The following KRAS variants were observed in gnomAD, a reference collection of about 807,000 sequenced individuals.
KRAS encodes the protein KRas proto-oncogene, GTPase.
KRAS carries 1 observed loss-of-function variant against 21.0 expected under a neutral mutation model. That is an observed-to-expected ratio of 0.05 (90% CI 0.02 to 0.23). The LOEUF (loss-of-function observed/expected upper bound fraction) is 0.23. Among genes scored for constraint, KRAS ranks in the 10% least tolerant of loss-of-function variants. The pLI is 1.00. For missense variants in KRAS, 107 were observed against 221.8 expected, an observed-to-expected ratio of 0.48 and a Z score of 3.29; for synonymous variants, 67 against 72.5, an observed-to-expected ratio of 0.92 and a Z score of 0.39.
chr12:25,215,467 T>C (rs1024789250), intron 4 of KRAS: 5 of 1,612,486 alleles, frequency 3.1e-6, no homozygotes, highest in Non-Finnish European at 4.2e-6. Flanking sequence ...TTTTTAATTT[T>C]CACACAGCCA....
At chr12:25,240,362 A>G (rs892753462) in intron 2 of KRAS, among the ~76,000 whole-genome samples, 1 of 152,234 alleles carries the variant, frequency 6.6e-6, no homozygotes, top group Non-Finnish European at 1.5e-5. Flanking sequence ...TGGGTACTGC[A>G]TCTACAGATT....
At chr12:25,225,492 A>G in intron 4 of KRAS, 122 bp downstream of exon 4, 1 of 1,035,564 alleles carries the variant, frequency 9.7e-7, no homozygotes. Context: ...AGACAAAAAC[A>G]TTTACTAAAT....
At chr12:25,210,732 G>C (rs1951192550) in intron 4 of KRAS, 1 of 152,150 alleles carries the variant, frequency 6.6e-6, no homozygotes, top group South Asian at 2.1e-4. Context: ...CAAATATCCT[G>C]TCTTCAAAGA....
chr12:25,232,127 G>A (rs931185116), intron 2 of KRAS, among the ~76,000 whole-genome samples: 7 of 152,136 alleles, frequency 4.6e-5, no homozygotes, highest in African/African-American at 9.6e-5. Flanking sequence ...TCACTCAAAC[G>A]CATGTTGTTC....
At chr12:25,236,013 C>T (rs1489869165) in intron 2 of KRAS, among the ~76,000 whole-genome samples, 6 of 152,088 alleles carry the variant, frequency 3.9e-5, no homozygotes, top group Admixed American at 3.3e-4. Flanking sequence ...TAATGCTCAC[C>T]TCCTTCCGGC....
At chr12:25,249,419 T>C (rs1293978254) in intron 1 of KRAS, among the ~76,000 whole-genome samples, 1 of 148,114 alleles carries the variant, frequency 6.8e-6, no homozygotes, top group Admixed American at 6.7e-5. Context: ...GATGAAACTC[T>C]GTCTCTACTA....
At chr12:25,243,965 T>C (rs1288705711) in intron 2 of KRAS, among the ~76,000 whole-genome samples, 1 of 152,244 alleles carries the variant, frequency 6.6e-6, no homozygotes, top group Non-Finnish European at 1.5e-5. Flanking sequence ...GTTGTTTCTA[T>C]GTTTAAATCA....
At chr12:25,213,518 AT>A in intron 4 of KRAS, among the ~76,000 whole-genome samples, 1 of 152,342 alleles carries the variant, frequency 6.6e-6, no homozygotes, top group Non-Finnish European at 1.5e-5. Context: ...ACAGAATGAT[AT>A]TCAAAAACAT....
At chr12:25,227,541 T>C (rs1951409207) in intron 2 of KRAS, 129 bp from the exon 3 acceptor site, 3 of 769,442 alleles carry the variant, frequency 3.9e-6, no homozygotes, top group African/African-American at 3.5e-5. Context: ...ACATTGTTCC[T>C]GCTCCAAAGA....
chr12:25,239,642 T>C (rs1315036381), intron 2 of KRAS, among the ~76,000 whole-genome samples: 1 of 151,998 alleles, frequency 6.6e-6, no homozygotes, highest in African/African-American at 2.4e-5. Context: ...AGGTGAAAAA[T>C]AGTTAACTCT....
chr12:25,244,976 A>G (rs1329028845), intron 2 of KRAS, among the ~76,000 whole-genome samples: 1 of 152,194 alleles, frequency 6.6e-6, no homozygotes, highest in African/African-American at 2.4e-5. Context: ...TACAATAAAA[A>G]GATTGTCTTT....
chr12:25,233,770 G>C, intron 2 of KRAS: 1 of 209,082 alleles, frequency 4.8e-6, no homozygotes, highest in East Asian at 7.3e-5. Context: ...TAACAGTCTT[G>C]AACGCTATAG....
intron 4 of KRAS, chr12:25,211,261 AT>A (rs917450562): frequency 6.6e-6 from 1 of 152,210 alleles, no homozygotes; most frequent in African/African-American, 2.4e-5. Context: ...TTCAAGTGAT[AT>A]TATCTTGAAA....
At chr12:25,236,689 G>A (rs1451602895) in intron 2 of KRAS, among the ~76,000 whole-genome samples, 1 of 152,014 alleles carries the variant, frequency 6.6e-6, no homozygotes, top group Non-Finnish European at 1.5e-5. Flanking sequence ...TGGGAGATGA[G>A]CTACGAATTA....
rs564656162 is a variant in KRAS, at chr12:25,216,175, T to A, written c.451-6264A>T. On this transcript the variant is annotated intron_variant, in intron 4 of 4. Transcript: ENST00000311936. ...GGTCTTCTGTACATGTTTAATTACA[T>A]TATTAAAATCTTAAATGAGAGCTGC... Among the ~76,000 whole-genome samples the A allele has an allele frequency of 1.6e-4, 24 of 152,304 alleles. No homozygotes were observed. The South Asian group carries it at 5.0e-3, about 32-fold the overall frequency.
At chr12:25,228,534 C>A (rs2141512710) in intron 2 of KRAS, among the ~76,000 whole-genome samples, 1 of 152,100 alleles carries the variant, frequency 6.6e-6, no homozygotes, top group Middle Eastern at 3.4e-3. Flanking sequence ...CCACATAATT[C>A]CACTTATATG....
rs1216447396 is a variant in KRAS, at chr12:25,209,288, G to A, written c.*507C>T. ...AACAGTGTAACTTTACATTCATCAGGGATGACAAACTATAGGACATGATGC... is the reference window on the plus strand; with the variant it reads ...AACAGTGTAACTTTACATTCATCAGAGATGACAAACTATAGGACATGATGC... On this transcript the variant is annotated 3_prime_UTR_variant, in exon 5 of 5. Coordinates refer to ENST00000311936, the MANE Select transcript of KRAS (RefSeq NM_004985.5). The A allele has an allele frequency of 1.6e-6, 1 of 642,372 alleles. No individual in the cohort carries two copies. Among genetic ancestry groups the A allele is most frequent in the African/African-American group, 1.8e-5 (1 of 54,756 alleles). The allele number at this position is 642,372 out of a possible 1,614,324, so 39.8% of individuals were successfully genotyped here. A position where few individuals can be genotyped will look rare whatever the true frequency, so the allele number is the denominator to read the frequency against.
rs1365964621 is a variant in KRAS at position 25,208,501 on chromosome 12, TG to T, written c.*1293del. 2 of 233,154 alleles carry T rather than the reference TG, an allele frequency of 8.6e-6. No individual in the cohort carries two copies. The highest frequency in any genetic ancestry group is 4.4e-5 in the African/African-American group (2 of 45,314). 14.4% of individuals were successfully genotyped at this position (233,154 alleles called of 1,614,324 possible). A position where few individuals can be genotyped will look rare whatever the true frequency, so the allele number is the denominator to read the frequency against. On this transcript the variant is annotated 3_prime_UTR_variant, in exon 5 of 5. Coordinates refer to ENST00000311936, the MANE Select transcript of KRAS (RefSeq NM_004985.5). ...AGATTGTAAAACTTTTTCACTTCAT[TG>T]TTTAAAAAAAAAATTAATGTCTTGG... is the stretch of plus-strand genomic sequence containing the variant.
intron 2 of KRAS, among the ~76,000 whole-genome samples, chr12:25,232,162 G>GA (rs141922296): frequency 1.3e-5 from 2 of 150,990 alleles, no homozygotes; most frequent in Non-Finnish European, 3.0e-5. Context: ...TTTGGAGGAA[G>GA]AAAAAAAAAT....
Sources: gnomAD v4.1 joint callset for allele counts (sites outside exome capture counted in the v4.1 genomes callset) on GRCh38, gnomAD v4.1.1 for gene constraint, MANE v1.5 for transcripts, NCBI Gene and HGNC (gene_info 2026-07-23, HGNC 2026-07-21) for gene names.